Variants in VCL observed in about 807,000 individuals in gnomAD.
VCL encodes vinculin.
A neutral mutation model predicts 125.7 loss-of-function variants in VCL; 47 were observed. The ratio of observed to expected loss-of-function variants is 0.37; its 90% CI spans 0.30 to 0.48. The LOEUF is 0.48. VCL is among the 20% of genes least tolerant of loss of function. The probability of loss-of-function intolerance (pLI) is 0.99; values close to 1 mark genes in which losing one functional copy is unlikely to be tolerated. For synonymous variants in VCL, 458 were observed against 514.6 expected (o/e 0.89, Z 1.49); for missense variants, 1,069 against 1,455.5 (o/e 0.73, Z 4.32).
chr10:74,111,756 T>C (rs1400872510), intron 18 of VCL, among the ~76,000 whole-genome samples, 153 bp from the exon 19 acceptor site: 1 of 152,190 alleles, frequency 6.6e-6, no homozygotes, highest in Non-Finnish European at 1.5e-5. Flanking sequence ...TTCCCCCTTC[T>C]GTGAAGCTTG....
rs1238733395 is a variant in VCL, at chr10:74,011,154, A to G, written c.168+12779A>G. 2.8e-5 allele frequency among the ~76,000 whole-genome samples: 4 copies of G among 141,728 alleles called. No individual in the cohort carries two copies. The East Asian group carries it at 8.0e-4, about 28-fold the overall frequency. The allele number at this position is 141,728 out of a possible 152,430, so 93.0% of individuals were successfully genotyped here. A position where few individuals can be genotyped will look rare whatever the true frequency, so the allele number is the denominator to read the frequency against. ...CACTCCAGCGTGGGCAACAAGAGTGAAACTCTATCTCAAAAAAAAAAAAAA... is the reference window on the plus strand; with the variant it reads ...CACTCCAGCGTGGGCAACAAGAGTGGAACTCTATCTCAAAAAAAAAAAAAA... On this transcript the variant is annotated intron_variant, in intron 1 of 21. Coordinates refer to ENST00000211998, the MANE Select transcript of VCL (RefSeq NM_014000.3).
chr10:74,047,526 T>G (rs185097016), intron 2 of VCL, among the ~76,000 whole-genome samples: 59 of 152,274 alleles, frequency 3.9e-4, no homozygotes, highest in African/African-American at 1.4e-3. Context: ...CATGACCGAC[T>G]GAAACTTCCT....
intron 8 of VCL, among the ~76,000 whole-genome samples, chr10:74,087,725 C>T (rs1361820349): frequency 6.6e-6 from 1 of 151,630 alleles, no homozygotes; most frequent in Admixed American, 6.6e-5. Context: ...CCTGTAATCC[C>T]AGCACTTTGG....
intron 2 of VCL, among the ~76,000 whole-genome samples, chr10:74,049,276 A>C (rs1284972866): frequency 6.6e-6 from 1 of 152,122 alleles, no homozygotes; most frequent in Non-Finnish European, 1.5e-5. Flanking sequence ...AAATAGTGGA[A>C]CTACAGCTAT....
rs376054135 is a variant in VCL at position 74,103,287 on chromosome 10, GC to G, written c.2023-532del. Among the ~76,000 whole-genome samples the G allele has an allele frequency of 9.1e-4, 139 of 152,290 alleles. 2 individuals are homozygous for G. In the East Asian group the frequency reaches 0.02, roughly 22 times the overall value. ...CAGCCTGTATCTTACCAGATACGTG[GC>G]AAATGTTAATCCTTTTTTCCCCAAA... is the stretch of plus-strand genomic sequence containing the variant. On this transcript the variant is annotated intron_variant, in intron 14 of 21. Coordinates refer to ENST00000211998, the MANE Select transcript of VCL (RefSeq NM_014000.3).
intron 2 of VCL, among the ~76,000 whole-genome samples, chr10:74,064,724 G>C (rs373269780): frequency 2.6e-5 from 4 of 152,044 alleles, no homozygotes; most frequent in East Asian, 3.9e-4. Context: ...ACACTTTTAA[G>C]TGTCAAAAGA....
chr10:74,101,713 G>A (rs1433761759), intron 14 of VCL, among the ~76,000 whole-genome samples: 7 of 151,278 alleles, frequency 4.6e-5, no homozygotes, highest in Admixed American at 1.3e-4. Flanking sequence ...CCGCCACCGC[G>A]CCCGGCTAAT....
chr10:74,059,169 A>C (rs1276248139), intron 2 of VCL, among the ~76,000 whole-genome samples: 1 of 152,140 alleles, frequency 6.6e-6, no homozygotes, highest in Non-Finnish European at 1.5e-5. Flanking sequence ...AGTCTGGCCA[A>C]CATGGTGAAA....
At position 74,103,915 on chromosome 10, in the gene VCL, T is replaced by C. The variant is rs1190026193; in HGVS notation, c.2118T>C (p.Val706=). 6.2e-7 allele frequency: 1 copy of C among 1,614,046 alleles called. No homozygotes were observed. Among genetic ancestry groups the C allele is most frequent in the Admixed American group, 1.7e-5 (1 of 60,024 alleles). The change falls in exon 15 of 22, where the codon GTT becomes GTC. Residue 706 remains valine, a synonymous_variant. Coordinates refer to ENST00000211998, the MANE Select transcript of VCL (RefSeq NM_014000.3). ...ETMKNQWIDN[V]EKMTGLVDEA... ...TGAAGAACCAGTGGATCGATAATGT[T>C]GAAAAAATGACAGGTAGAGTTTTCT... is the stretch of plus-strand genomic sequence containing the variant.
At chr10:74,044,202 A>G (rs906022209) in intron 2 of VCL, among the ~76,000 whole-genome samples, 13 of 152,290 alleles carry the variant, frequency 8.5e-5, no homozygotes, top group Admixed American at 7.8e-4. Context: ...AATAATTTCC[A>G]GGCTTTTTGG....
At chr10:74,026,951 C>A (rs1840782045) in intron 1 of VCL, among the ~76,000 whole-genome samples, 1 of 152,118 alleles carries the variant, frequency 6.6e-6, no homozygotes, top group African/African-American at 2.4e-5. Context: ...TCCATGGAGA[C>A]AATGTTACAT....
intron 2 of VCL, among the ~76,000 whole-genome samples, chr10:74,061,738 A>G (rs1841482641): frequency 6.6e-6 from 1 of 152,048 alleles, no homozygotes; most frequent in South Asian, 2.1e-4. Context: ...TTTATTTTGG[A>G]TAGTCTTTAT....
chr10:74,021,992 G>T (rs1840677199), intron 1 of VCL, among the ~76,000 whole-genome samples: 1 of 151,776 alleles, frequency 6.6e-6, no homozygotes, highest in Non-Finnish European at 1.5e-5. Flanking sequence ...GTATAGCTCT[G>T]ATCTCAAAAG....
At chr10:74,045,945 C>T (rs1388960226) in intron 2 of VCL, among the ~76,000 whole-genome samples, 2 of 151,994 alleles carry the variant, frequency 1.3e-5, no homozygotes, top group Non-Finnish European at 2.9e-5. Flanking sequence ...TAAAAGTGTT[C>T]CTTTATTTTT....
At chr10:74,095,978 T>A in intron 12 of VCL, 123 bp downstream of exon 12, 2 of 1,193,538 alleles carry the variant, frequency 1.7e-6, no homozygotes, top group Non-Finnish European at 2.3e-6. Flanking sequence ...GAAAAGAGTG[T>A]GACCAAAGAT....
At chr10:74,088,955 G>A (rs931733640) in intron 8 of VCL, among the ~76,000 whole-genome samples, 1 of 152,140 alleles carries the variant, frequency 6.6e-6, no homozygotes, top group African/African-American at 2.4e-5. Flanking sequence ...AAAATTTGCT[G>A]GCCTGGTCTT....
At chr10:74,076,051 T>A (rs1358656568) in intron 6 of VCL, 1 of 152,688 alleles carries the variant, frequency 6.5e-6, no homozygotes, top group Non-Finnish European at 1.5e-5. Flanking sequence ...ACTTCCCTGT[T>A]ATGACTTCTT....
At chr10:74,115,472 A>G (rs1379112919) in intron 21 of VCL, among the ~76,000 whole-genome samples, 1 of 152,246 alleles carries the variant, frequency 6.6e-6, no homozygotes, top group Non-Finnish European at 1.5e-5. Context: ...CATTTTACAG[A>G]TAGGAAACTG....
At chr10:74,103,570 G>A (rs533839145) in intron 14 of VCL, among the ~76,000 whole-genome samples, 35 of 152,264 alleles carry the variant, frequency 2.3e-4, no homozygotes, top group African/African-American at 8.4e-4. Context: ...AGTATCAAGT[G>A]GACACTCATT....
Sources: allele counts gnomAD v4.1 joint callset (sites outside exome capture counted in the v4.1 genomes callset), GRCh38; gene constraint gnomAD v4.1.1; transcripts MANE v1.5; gene names NCBI Gene and HGNC (gene_info 2026-07-23, HGNC 2026-07-21).